Variants in IMMP1L observed in about 807,000 individuals in gnomAD.
The protein encoded by IMMP1L is mitochondrial inner membrane protease subunit 1.
IMMP1L carries 24 observed loss-of-function variants against 21.8 expected under a neutral mutation model. That is an observed-to-expected ratio of 1.10 (90% CI 0.80 to 1.55). IMMP1L has a LOEUF of 1.55. Ranked by LOEUF, IMMP1L falls within the 40% of genes most tolerant of loss-of-function variation. IMMP1L has a pLI of 0.00. For missense variants in IMMP1L, 195 were observed against 200.7 expected, an observed-to-expected ratio of 0.97 and a Z score of 0.17; for synonymous variants, 46 against 62.8, an observed-to-expected ratio of 0.73 and a Z score of 1.26.
At chr11:31,440,807 G>A (rs1953301020) in intron 4 of IMMP1L, among the ~76,000 whole-genome samples, 1 of 152,120 alleles carries the variant, frequency 6.6e-6, no homozygotes, top group Non-Finnish European at 1.5e-5. Flanking sequence ...CCCTTCAGTG[G>A]AGTCTCCTTT....
At chr11:31,470,293 ATCCCAGG>A (rs1954498326) in intron 1 of IMMP1L, among the ~76,000 whole-genome samples, 2 of 152,056 alleles carry the variant, frequency 1.3e-5, no homozygotes, top group African/African-American at 4.8e-5. Flanking sequence ...CATGCCTGTA[ATCCCAGG>A]TGCTCAGGAG....
chr11:31,489,745 T>C (rs1478984713), intron 1 of IMMP1L, among the ~76,000 whole-genome samples: 1 of 151,970 alleles, frequency 6.6e-6, no homozygotes, highest in African/African-American at 2.4e-5. Context: ...TTTATGACAC[T>C]ACCACTTTTT....
At chr11:31,503,759 C>T (rs1251622557) in intron 1 of IMMP1L, among the ~76,000 whole-genome samples, 1 of 152,152 alleles carries the variant, frequency 6.6e-6, no homozygotes, top group African/African-American at 2.4e-5. Context: ...GGGTAGTCAA[C>T]TTAGGTGAGA....
intron 4 of IMMP1L, among the ~76,000 whole-genome samples, chr11:31,454,471 A>C (rs1301378510): frequency 6.6e-6 from 1 of 151,194 alleles, no homozygotes; most frequent in Non-Finnish European, 1.5e-5. Flanking sequence ...AAAAAAAAAA[A>C]AAAACTGAAA....
At chr11:31,449,822 G>A (rs183826591) in intron 4 of IMMP1L, among the ~76,000 whole-genome samples, 541 of 152,180 alleles carry the variant, frequency 3.6e-3, no homozygotes, top group Middle Eastern at 6.8e-3. Context: ...AAATTAAATA[G>A]CCAGATATCT....
chr11:31,464,194 ATAT>A (rs1048813142), intron 1 of IMMP1L, among the ~76,000 whole-genome samples: 8 of 152,126 alleles, frequency 5.3e-5, no homozygotes, highest in South Asian at 2.1e-4. Flanking sequence ...TGTAAGATAG[ATAT>A]TATTACCATC....
intron 1 of IMMP1L, among the ~76,000 whole-genome samples, chr11:31,481,867 G>T (rs1592014480): frequency 2.0e-5 from 3 of 151,920 alleles, no homozygotes; most frequent in African/African-American, 4.8e-5. Flanking sequence ...CTTTAAAGAT[G>T]ATGCCCAATG....
At chr11:31,441,634 C>T (rs974126987) in intron 4 of IMMP1L, among the ~76,000 whole-genome samples, 2 of 151,928 alleles carry the variant, frequency 1.3e-5, no homozygotes, top group African/African-American at 4.8e-5. Context: ...GTTAGATTAA[C>T]CTACTAGTTG....
chr11:31,446,192 T>C (rs1039527908), intron 4 of IMMP1L, among the ~76,000 whole-genome samples: 12 of 152,202 alleles, frequency 7.9e-5, no homozygotes, highest in African/African-American at 2.7e-4. Context: ...TTCAATTCCC[T>C]TTCTTCCAGC....
At chr11:31,507,364 T>C (rs749328199) in intron 1 of IMMP1L, among the ~76,000 whole-genome samples, 2 of 152,166 alleles carry the variant, frequency 1.3e-5, no homozygotes, top group African/African-American at 4.8e-5. Context: ...CTGGTGTGTA[T>C]ATAGATCATC....
chr11:31,435,440 C>CT (rs1218289788), intron 4 of IMMP1L, among the ~76,000 whole-genome samples: 1 of 152,184 alleles, frequency 6.6e-6, no homozygotes, highest in Non-Finnish European at 1.5e-5. Flanking sequence ...AACCAACAGG[C>CT]AGTAATGCCA....
chr11:31,466,143 C>G (rs759814062), intron 1 of IMMP1L, among the ~76,000 whole-genome samples: 1 of 151,830 alleles, frequency 6.6e-6, no homozygotes, highest in Non-Finnish European at 1.5e-5. Flanking sequence ...AAATGGCCAA[C>G]AAATATATTA....
At chr11:31,458,923 T>C (rs918849308) in intron 3 of IMMP1L, among the ~76,000 whole-genome samples, 2 of 152,160 alleles carry the variant, frequency 1.3e-5, no homozygotes, top group Non-Finnish European at 2.9e-5. Context: ...AACAAGTTCA[T>C]CTCCTCATTC....
intron 1 of IMMP1L, among the ~76,000 whole-genome samples, chr11:31,470,377 C>T (rs2133702230): frequency 1.3e-5 from 2 of 150,862 alleles, no homozygotes; most frequent in African/African-American, 4.9e-5. Flanking sequence ...AGCGCTATTG[C>T]ACTCCAGCCT....
chr11:31,433,765 T>A, intron 4 of IMMP1L, 195 bp from the exon 5 acceptor site: 2 of 425,284 alleles, frequency 4.7e-6, no homozygotes, highest in Admixed American at 8.3e-5. Flanking sequence ...GGTTTCAACT[T>A]TTTTAAAAAC....
intron 1 of IMMP1L, among the ~76,000 whole-genome samples, chr11:31,492,646 A>G (rs994555770): frequency 1.3e-5 from 2 of 152,196 alleles, no homozygotes; most frequent in Non-Finnish European, 2.9e-5. Context: ...GAACACTTAA[A>G]GACCACTTTA....
intron 4 of IMMP1L, chr11:31,453,143 T>C: frequency 1.3e-5 from 16 of 1,276,098 alleles, no homozygotes; most frequent in Non-Finnish European, 1.6e-5. Flanking sequence ...CCATGTGGTC[T>C]TTTAAAACTC....
intron 4 of IMMP1L, chr11:31,452,871 C>T: frequency 1.5e-6 from 1 of 645,754 alleles, no homozygotes; most frequent in South Asian, 2.3e-5. Flanking sequence ...CTGCCTCAGC[C>T]TCCCAAGTAG....
chr11:31,444,307 T>C (rs1953440988), intron 4 of IMMP1L, among the ~76,000 whole-genome samples: 1 of 152,200 alleles, frequency 6.6e-6, no homozygotes, highest in Non-Finnish European at 1.5e-5. Context: ...ATTATGTCTA[T>C]TGGGCTTTCT....
Sources: gnomAD v4.1 joint callset for allele counts (sites outside exome capture counted in the v4.1 genomes callset) on GRCh38, gnomAD v4.1.1 for gene constraint, MANE v1.5 for transcripts, NCBI Gene and HGNC (gene_info 2026-07-23, HGNC 2026-07-21) for gene names.